The following BAZ2B variants were observed in gnomAD, a reference collection of about 807,000 sequenced individuals.
BAZ2B encodes the protein bromodomain adjacent to zinc finger domain 2B.
Under a neutral mutation model 246.0 loss-of-function variants are expected in BAZ2B, and 91 were observed. The observed-to-expected ratio is 0.37, with a 90% CI of 0.31 to 0.44. BAZ2B has a LOEUF of 0.44. Among genes scored for constraint, BAZ2B ranks in the 20% least tolerant of loss-of-function variants. The pLI is 1.00. For missense variants in BAZ2B, 2,332 were observed against 2,533.7 expected, an observed-to-expected ratio of 0.92 and a Z score of 1.71; for synonymous variants, 855 against 860.0, an observed-to-expected ratio of 0.99 and a Z score of 0.10.
At chr2:159,347,412 T>A (rs1246409370) in intron 31 of BAZ2B, 74 bp downstream of exon 31, 43 of 1,434,610 alleles carry the variant, frequency 3.0e-5, no homozygotes, top group Non-Finnish European at 2.9e-6. Flanking sequence ...TTAACTAGCA[T>A]ATATTAGGCA....
the BAZ2B span, among the ~76,000 whole-genome samples, chr2:159,662,395 C>A: frequency 2.0e-5 from 3 of 152,166 alleles, no homozygotes; most frequent in Admixed American, 2.0e-4. Context: ...CTATGTTTAG[C>A]TTTTTCATGT....
intron 24 of BAZ2B, among the ~76,000 whole-genome samples, 159 bp downstream of exon 24, chr2:159,383,447 C>A (rs2062242296): frequency 6.6e-6 from 1 of 152,082 alleles, no homozygotes. Flanking sequence ...ATTGCAAATT[C>A]TGCCCCTGAG....
chr2:159,694,333 T>C, the BAZ2B span: 1 of 152,232 alleles, frequency 6.6e-6, no homozygotes, highest in Non-Finnish European at 1.5e-5. Flanking sequence ...CCTGTAGTAT[T>C]ATTTGTTATG....
downstream of BAZ2B, among the ~76,000 whole-genome samples, chr2:159,318,352 A>T (rs2062326923): frequency 6.6e-6 from 1 of 152,270 alleles, no homozygotes; most frequent in Non-Finnish European, 1.5e-5. Flanking sequence ...ACATAGTAAC[A>T]GCTGATTTTT....
In BAZ2B at chr2:159,428,379, G is replaced by A. The variant is rs769049985; in HGVS notation, c.2296C>T (p.Leu766Phe). 1.7e-5 allele frequency: 28 copies of A among 1,613,076 alleles called. No homozygotes were observed. The African/African-American group carries it at 3.5e-4, about 20-fold the overall frequency. ...ETRIRNFGGRLQGEVAYYAPC... is the reference protein window; with the variant it reads ...ETRIRNFGGRFQGEVAYYAPC... ...GCATAATATGCTACTTCTCCTTGAAGGCGCCCTCCAAAGTTTCTTATTCTT... is the reference window on the plus strand; with the variant it reads ...GCATAATATGCTACTTCTCCTTGAAAGCGCCCTCCAAAGTTTCTTATTCTT... The change falls in exon 12 of 37, where the codon CTT (leucine) becomes TTT (phenylalanine). Residue 766 changes from leucine to phenylalanine, a missense_variant. Transcript: ENST00000392783.
the BAZ2B span, among the ~76,000 whole-genome samples, chr2:159,698,550 G>A: frequency 3.3e-3 from 431 of 129,686 alleles, 6 homozygotes; most frequent in African/African-American, 0.013. Context: ...AAGAAAAAGA[G>A]AATGTTTAGC....
At chr2:159,679,154 C>T in the BAZ2B span, among the ~76,000 whole-genome samples, 1 of 151,734 alleles carries the variant, frequency 6.6e-6, no homozygotes, top group Non-Finnish European at 1.5e-5. Context: ...CGCCTGTAGT[C>T]CCAGCTACTT....
chr2:159,544,181 C>T (rs974019166), intron 2 of BAZ2B, among the ~76,000 whole-genome samples: 3 of 151,892 alleles, frequency 2.0e-5, no homozygotes, highest in African/African-American at 7.3e-5. Flanking sequence ...GGCTGGACAG[C>T]CTCATAGGGG....
chr2:159,457,075 CAGAT>C (rs1301970306), intron 3 of BAZ2B, among the ~76,000 whole-genome samples: 1 of 152,080 alleles, frequency 6.6e-6, no homozygotes, highest in African/African-American at 2.4e-5. Flanking sequence ...TTACAAAACA[CAGAT>C]AGTAATTCCA....
At chr2:159,491,400 A>G (rs2080439066) in intron 2 of BAZ2B, among the ~76,000 whole-genome samples, 1 of 152,138 alleles carries the variant, frequency 6.6e-6, no homozygotes, top group Non-Finnish European at 1.5e-5. Context: ...TTGGGAGAAA[A>G]TTAACTCTCT....
chr2:159,350,211 C>T lies in BAZ2B; in HGVS notation c.4360G>A (p.Asp1454Asn). The change falls in exon 28 of 37, where the codon GAT becomes AAT. Residue 1454 changes from aspartate to asparagine, a missense_variant. Physicochemically the swap from Asp to Asn is conservative, Grantham distance 23. Around this residue, in one of 9 missense-constraint regions of BAZ2B, gnomAD observed 676 missense variants for 668.6 expected, o/e 1.01. Coordinates refer to ENST00000392783, the MANE Select transcript of BAZ2B (RefSeq NM_013450.4). ...TTCTGAAGGAATAGATTTGTGTTAT[C>T]TTTTTCTTTAAGATCTTCCTTTTGT... is the stretch of plus-strand genomic sequence containing the variant. ...CEQKEDLKEK[D>N]NTNLFLQKPG... is the part of the protein sequence containing the mutation. 1 of 1,613,936 alleles carries T rather than the reference C, an allele frequency of 6.2e-7. No individual in the cohort carries two copies. The highest frequency in any genetic ancestry group is 8.5e-7 in the Non-Finnish European group (1 of 1,179,942).
chr2:159,564,554 A>C (rs946810078), intron 1 of BAZ2B, among the ~76,000 whole-genome samples: 1 of 152,222 alleles, frequency 6.6e-6, no homozygotes, highest in Admixed American at 6.5e-5. Flanking sequence ...ATTGGTGGTG[A>C]AAAAAGTGAT....
intron 13 of BAZ2B, among the ~76,000 whole-genome samples, chr2:159,420,648 T>C (rs1351479791): frequency 6.6e-6 from 1 of 152,202 alleles, no homozygotes; most frequent in Non-Finnish European, 1.5e-5. Flanking sequence ...TAATACGTTA[T>C]TAACAATTTA....
chr2:159,502,332 TA>T (rs35264021), intron 2 of BAZ2B, among the ~76,000 whole-genome samples: 77,122 of 149,834 alleles, frequency 0.51, 20,124 homozygotes, highest in Non-Finnish European at 0.57. Flanking sequence ...ATAAAGCTGT[TA>T]AAAAAAAAAA....
chr2:159,412,492 T>G lies in BAZ2B; in HGVS notation c.2520A>C (p.Ala840=), dbSNP rs3755433. 0.017 allele frequency: 27,501 copies of G among 1,614,082 alleles called. 603 individuals are homozygous for G. The highest frequency in any genetic ancestry group is 0.13 in the East Asian group (5,885 of 44,844). Residue 840 remains alanine (A), a synonymous_variant, in exon 14 of 37, where the codon GCA becomes GCC. Transcript: ENST00000392783. ...KEEDVIPRIR[A]MEGRRGRPPN... is the part of the protein sequence containing the mutation. ...GTGGTCTTCCTCTACGACCTTCCAT[T>G]GCCCTGATACGAGGAATGACATCCT...
intron 20 of BAZ2B, among the ~76,000 whole-genome samples, chr2:159,393,099 G>A (rs1248242098): frequency 6.9e-6 from 1 of 145,024 alleles, no homozygotes; most frequent in Non-Finnish European, 1.5e-5. Flanking sequence ...GTTCATTCAG[G>A]AATAATAACA....
chr2:159,654,277 C>T, the BAZ2B span, among the ~76,000 whole-genome samples: 1 of 152,092 alleles, frequency 6.6e-6, no homozygotes, highest in Non-Finnish European at 1.5e-5. Flanking sequence ...GTTATATCTA[C>T]AGAGTTTATA....
chr2:159,512,814 GAAC>G (rs2083067342), intron 2 of BAZ2B, among the ~76,000 whole-genome samples: 1 of 152,206 alleles, frequency 6.6e-6, no homozygotes, highest in African/African-American at 2.4e-5. Flanking sequence ...GTTATTCAAA[GAAC>G]AACAACAAAT....
the BAZ2B span, among the ~76,000 whole-genome samples, chr2:159,673,745 AT>A: frequency 2.0e-5 from 3 of 152,306 alleles, no homozygotes; most frequent in South Asian, 4.1e-4. Flanking sequence ...AATCAAACAA[AT>A]CAAAACTATA....
Sources: gnomAD v4.1 joint callset for allele counts (sites outside exome capture counted in the v4.1 genomes callset) on GRCh38, gnomAD v4.1.1 for gene constraint, gnomAD v4.1.1 regional missense constraint, MANE v1.5 for transcripts, NCBI Gene and HGNC (gene_info 2026-07-23, HGNC 2026-07-21) for gene names.